ERICH6: variants seen among roughly 807,000 people sequenced by gnomAD.
The protein encoded by ERICH6 is glutamate rich 6.
A neutral mutation model predicts 71.0 loss-of-function variants in ERICH6; 71 were observed. That is an observed-to-expected ratio of 1.00 (90% confidence interval 0.83 to 1.22). The LOEUF (loss-of-function observed/expected upper bound fraction) is 1.22, where lower values mean the gene tolerates loss of function less well. Ranked by LOEUF, ERICH6 falls within the 50% of genes most tolerant of loss-of-function variation. The probability of loss-of-function intolerance (pLI) is 0.00; values close to 1 mark genes in which losing one functional copy is unlikely to be tolerated. For missense variants in ERICH6, 808 were observed against 797.2 expected, an observed-to-expected ratio of 1.01 and a Z score of -0.16; for synonymous variants, 262 against 278.4, an observed-to-expected ratio of 0.94 and a Z score of 0.59.
intron 3 of ERICH6, among the ~76,000 whole-genome samples, chr3:150,688,795 G>A (rs1043887544): frequency 2.6e-5 from 4 of 152,162 alleles, no homozygotes; most frequent in Admixed American, 6.5e-5. Flanking sequence ...CTTTCCAGAC[G>A]AAACCAATAT....
intron 2 of ERICH6, among the ~76,000 whole-genome samples, chr3:150,699,726 A>AC (rs1054880327): frequency 3.7e-4 from 55 of 148,754 alleles, no homozygotes; most frequent in African/African-American, 9.0e-4. Flanking sequence ...ATAAAAACAA[A>AC]AAAAAAAAAC....
At chr3:150,668,650 T>A (rs1366689475) in intron 12 of ERICH6, among the ~76,000 whole-genome samples, 1 of 152,210 alleles carries the variant, frequency 6.6e-6, no homozygotes, top group East Asian at 1.9e-4. Flanking sequence ...ATGAGATTGT[T>A]ATACCTGTAT....
intron 10 of ERICH6, among the ~76,000 whole-genome samples, chr3:150,677,023 G>T (rs1295505620): frequency 1.3e-5 from 2 of 152,028 alleles, no homozygotes; most frequent in Non-Finnish European, 2.9e-5. Flanking sequence ...TGTTGCCCAG[G>T]CTGGTCTCGA....
At chr3:150,674,222 C>T (rs924873345) in intron 10 of ERICH6, among the ~76,000 whole-genome samples, 181 bp from the exon 11 acceptor site, 4 of 152,134 alleles carry the variant, frequency 2.6e-5, no homozygotes, top group African/African-American at 9.7e-5. Flanking sequence ...GTCCCTAATC[C>T]TTGCAAGTAT....
At chr3:150,698,947 G>T in intron 2 of ERICH6, 65 bp from the exon 3 acceptor site, 4 of 942,466 alleles carry the variant, frequency 4.2e-6, no homozygotes, top group Non-Finnish European at 6.6e-6. Context: ...TCTAAACATC[G>T]AACATTTAAT....
rs551937294 is a variant in ERICH6, at chr3:150,674,945, C to T, written c.1258-904G>A. The stretch of plus-strand genomic sequence containing the variant: ...GTCAGAAGTTCGAGACCAGCCTGGC[C>T]AACATGGTGAAACCCTGTCTTCACT... On this transcript the variant is annotated intron_variant, in intron 10 of 13. Transcript: ENST00000295910. 9.4e-4 allele frequency among the ~76,000 whole-genome samples: 143 copies of T among 152,150 alleles called. 2 individuals carry two copies. The highest frequency in any genetic ancestry group is 1.9e-4 in the Non-Finnish European group (13 of 67,996).
At chr3:150,678,031 TAA>T (rs1208460914) in intron 10 of ERICH6, among the ~76,000 whole-genome samples, 1 of 152,186 alleles carries the variant, frequency 6.6e-6, no homozygotes, top group Admixed American at 6.5e-5. Context: ...ATTACACTCT[TAA>T]TTTAATTTAA....
rs57492414 is a variant in ERICH6 at position 150,672,264 on chromosome 3, C to CATATATAT, written c.1343+1684_1343+1691dup. On this transcript the variant is annotated intron_variant, in intron 11 of 13. Coordinates refer to ENST00000295910, the MANE Select transcript of ERICH6 (RefSeq NM_152394.5). ...TAAACAAAGAATCCATTTATATATA[C>CATATATAT]ATATATATATATATGCTCATACACA... Among the ~76,000 whole-genome samples the CATATATAT allele has an allele frequency of 2.0e-3, 250 of 123,650 alleles. 12 individuals are homozygous for CATATATAT. The highest frequency in any genetic ancestry group is 6.9e-3 in the African/African-American group (215 of 31,058). The allele number at this position is 123,650 out of a possible 152,430, so 81.1% of individuals were successfully genotyped here. A position where few individuals can be genotyped will look rare whatever the true frequency, so the allele number is the denominator to read the frequency against.
chr3:150,699,069 G>A (rs1220216666), intron 2 of ERICH6, among the ~76,000 whole-genome samples, 187 bp from the exon 3 acceptor site: 4 of 151,780 alleles, frequency 2.6e-5, no homozygotes, highest in Non-Finnish European at 5.9e-5. Context: ...ATCTTTTTTT[G>A]GGGGGATAAG....
At chr3:150,686,753 AT>A (rs923895628) in intron 3 of ERICH6, among the ~76,000 whole-genome samples, 1 of 152,048 alleles carries the variant, frequency 6.6e-6, no homozygotes, top group Non-Finnish European at 1.5e-5. Context: ...TCAGCATACT[AT>A]TTTTTTCTTT....
At chr3:150,681,460 G>A (rs777292061) in intron 7 of ERICH6, among the ~76,000 whole-genome samples, 7 of 152,082 alleles carry the variant, frequency 4.6e-5, no homozygotes, top group South Asian at 2.1e-4. Context: ...ATGGACAGTC[G>A]GGTTGTTTCT....
intron 2 of ERICH6, among the ~76,000 whole-genome samples, chr3:150,700,562 A>G (rs1023673842): frequency 5.3e-5 from 8 of 151,862 alleles, no homozygotes; most frequent in African/African-American, 1.9e-4. Context: ...CAGAGAGTCA[A>G]AAAGTTTATT....
At chr3:150,697,462 A>G (rs115299598) in intron 3 of ERICH6, among the ~76,000 whole-genome samples, 2 of 152,232 alleles carry the variant, frequency 1.3e-5, no homozygotes, top group African/African-American at 2.4e-5. Flanking sequence ...GCCCACTCCA[A>G]TATGGCTTTT....
At position 150,673,951 on chromosome 3, in the gene ERICH6, G is replaced by T. The variant is rs1576550079; in HGVS notation, c.1343+5C>A. 1.2e-6 allele frequency: 2 copies of T among 1,612,322 alleles called. No homozygotes were observed. The highest frequency in any genetic ancestry group is 1.7e-6 in the Non-Finnish European group (2 of 1,178,924). ...TAATAAAAATAACTTGTTGAAAGAGGATACAATATTTGTGTTGTCCCATCT... is the reference window on the plus strand; with the variant it reads ...TAATAAAAATAACTTGTTGAAAGAGTATACAATATTTGTGTTGTCCCATCT... On this transcript the variant is annotated splice_donor_5th_base_variant and intron_variant, in intron 11 of 13. Coordinates refer to ENST00000295910, the MANE Select transcript of ERICH6 (RefSeq NM_152394.5).
intron 9 of ERICH6, 22 bp from the exon 10 acceptor site, chr3:150,678,576 A>G: frequency 6.4e-7 from 1 of 1,564,212 alleles, no homozygotes; most frequent in Non-Finnish European, 8.6e-7. Context: ...AGAATCACAT[A>G]GAAATACATA....
At chr3:150,686,658 T>C (rs1712204687) in intron 3 of ERICH6, among the ~76,000 whole-genome samples, 2 of 152,328 alleles carry the variant, frequency 1.3e-5, no homozygotes, top group South Asian at 2.1e-4. Context: ...ACTGCAGGTA[T>C]ACCAAACCCT....
intron 2 of ERICH6, among the ~76,000 whole-genome samples, chr3:150,700,241 A>ATTTTTTTTTTTTTTTT (rs34624356): frequency 9.9e-5 from 11 of 110,962 alleles, no homozygotes; most frequent in African/African-American, 3.7e-4. Flanking sequence ...TGCCCGGCTA[A>ATTTTTTTTTTTTTTTT]TTTTTTTTTT....
At chr3:150,677,793 G>C (rs900659361) in intron 10 of ERICH6, among the ~76,000 whole-genome samples, 1 of 151,890 alleles carries the variant, frequency 6.6e-6, no homozygotes, top group African/African-American at 2.4e-5. Flanking sequence ...CACTGTACCT[G>C]GTCTTGGAAA....
At chr3:150,682,419 A>G (rs1353043458) in intron 6 of ERICH6, 103 bp from the exon 7 acceptor site, 10 of 777,420 alleles carry the variant, frequency 1.3e-5, no homozygotes, top group Non-Finnish European at 1.9e-5. Context: ...TGAATGGAAC[A>G]GCAGTGGTGA....
Sources: allele counts gnomAD v4.1 joint callset (sites outside exome capture counted in the v4.1 genomes callset), GRCh38; gene constraint gnomAD v4.1.1; transcripts MANE v1.5; gene names NCBI Gene and HGNC (gene_info 2026-07-23, HGNC 2026-07-21).